The following TPTE variants were observed in gnomAD, a reference collection of about 807,000 sequenced individuals.
The protein encoded by TPTE is putative tyrosine-protein phosphatase TPTE.
Under a neutral mutation model 84.1 loss-of-function variants are expected in TPTE, and 59 were observed. The ratio of observed to expected loss-of-function variants is 0.70; its 90% CI spans 0.57 to 0.87. TPTE has a LOEUF of 0.87. Ranked by LOEUF, TPTE falls within the 40% of genes least tolerant of loss-of-function variation. TPTE has a pLI of 0.00. For missense variants in TPTE, 382 were observed against 659.6 expected (o/e 0.58, Z 4.61); for synonymous variants, 130 against 223.5 (o/e 0.58, Z 3.73).
intron 3 of TPTE, among the ~76,000 whole-genome samples, chr21:10,534,045 A>T (rs2074226339): frequency 6.6e-6 from 1 of 152,310 alleles, no homozygotes; most frequent in South Asian, 2.1e-4. Flanking sequence ...GCTGTAATTG[A>T]CTGAGACACA....
chr21:10,582,422 C>A (rs542954883), intron 17 of TPTE, among the ~76,000 whole-genome samples: 186 of 151,516 alleles, frequency 1.2e-3, no homozygotes, highest in African/African-American at 4.4e-3. Flanking sequence ...AATTGTCTTG[C>A]TCTTCTTGGA....
chr21:10,554,669 A>T (rs924519945), intron 8 of TPTE, among the ~76,000 whole-genome samples: 2 of 152,304 alleles, frequency 1.3e-5, no homozygotes, highest in African/African-American at 4.8e-5. Context: ...ATGTATCTGT[A>T]CTTTTCTTTG....
chr21:10,580,998 G>A (rs1328008663), intron 17 of TPTE, among the ~76,000 whole-genome samples: 3 of 152,306 alleles, frequency 2.0e-5, no homozygotes, highest in African/African-American at 7.2e-5. Context: ...TTTTTAGTGG[G>A]CTCTAAATCA....
chr21:10,558,686 T>G (rs2145668493), intron 8 of TPTE, among the ~76,000 whole-genome samples: 1 of 152,382 alleles, frequency 6.6e-6, no homozygotes, highest in East Asian at 1.9e-4. Flanking sequence ...GGGTGGAATT[T>G]GAGTCCTGTG....
chr21:10,599,964 C>T (rs556224147), intron 21 of TPTE, among the ~76,000 whole-genome samples: 56 of 152,314 alleles, frequency 3.7e-4, no homozygotes, highest in African/African-American at 1.3e-3. Context: ...CTCAAGCAAT[C>T]CCCCAATTTT....
intron 20 of TPTE, among the ~76,000 whole-genome samples, chr21:10,596,823 T>G (rs1327576357): frequency 2.0e-5 from 3 of 152,308 alleles, no homozygotes; most frequent in Non-Finnish European, 4.4e-5. Context: ...ATTTTTAGCC[T>G]TCTGAGTTTA....
chr21:10,540,643 C>T, intron 4 of TPTE: 7 of 519,080 alleles, frequency 1.3e-5, no homozygotes, highest in South Asian at 9.8e-5. Flanking sequence ...GGCTGACTGC[C>T]TTTGCCCATA....
rs2074047820 is a variant in TPTE, at chr21:10,524,670, G to A, written c.-120G>A. On this transcript the variant is annotated 5_prime_UTR_variant, in exon 2 of 24. Coordinates refer to ENST00000618007, the MANE Select transcript of TPTE (RefSeq NM_199261.4). ...GCTCTTCTGCCCGGCAGTGGCTCTG[G>A]AAGCAGTCTGGTGTATAGGTAAGCA... 6.5e-6 allele frequency: 1 copy of A among 152,910 alleles called. No homozygotes were observed. The highest frequency in any genetic ancestry group is 1.5e-5 in the Non-Finnish European group (1 of 68,566). 9.5% of individuals were successfully genotyped at this position (152,910 alleles called of 1,614,324 possible). A position where few individuals can be genotyped will look rare whatever the true frequency, so the allele number is the denominator to read the frequency against.
chr21:10,536,306 GATATACACATGA>G (rs1379587347), intron 3 of TPTE, among the ~76,000 whole-genome samples: 8 of 152,302 alleles, frequency 5.3e-5, no homozygotes, highest in Admixed American at 2.6e-4. Context: ...TCAAATTAGT[GATATACACATGA>G]ATATTTAAAT....
At chr21:10,526,640 G>GTATTA (rs1232300818) in intron 2 of TPTE, among the ~76,000 whole-genome samples, 2 of 152,302 alleles carry the variant, frequency 1.3e-5, no homozygotes, top group African/African-American at 4.8e-5. Context: ...TCTTGGGAGT[G>GTATTA]TATTACCTTG....
At chr21:10,596,585 C>G (rs1374487251) in intron 20 of TPTE, among the ~76,000 whole-genome samples, 14 of 152,420 alleles carry the variant, frequency 9.2e-5, no homozygotes, top group African/African-American at 3.4e-4. Flanking sequence ...CTGTAACCCT[C>G]TCACTCCCAG....
chr21:10,562,018 C>G (rs1600905267), intron 10 of TPTE, among the ~76,000 whole-genome samples: 1 of 152,420 alleles, frequency 6.6e-6, no homozygotes, highest in South Asian at 2.1e-4. Context: ...CAACCCCAAG[C>G]TTTAGGTGCC....
At chr21:10,547,590 C>G (rs1301931375) in intron 7 of TPTE, among the ~76,000 whole-genome samples, 1 of 152,310 alleles carries the variant, frequency 6.6e-6, no homozygotes. Context: ...GTGAAGACTT[C>G]CCACCCCCAG....
intron 17 of TPTE, among the ~76,000 whole-genome samples, chr21:10,588,426 C>T (rs1376350202): frequency 6.6e-6 from 1 of 152,308 alleles, no homozygotes; most frequent in Non-Finnish European, 1.5e-5. Context: ...TGGCCTTTTT[C>T]TCCAGTGCCT....
At chr21:10,545,759 A>G (rs1414045715) in intron 7 of TPTE, among the ~76,000 whole-genome samples, 3 of 151,776 alleles carry the variant, frequency 2.0e-5, no homozygotes, top group African/African-American at 4.8e-5. Context: ...GTATATAGAT[A>G]TAGATACACA....
intron 10 of TPTE, among the ~76,000 whole-genome samples, chr21:10,567,231 T>C (rs1486066633): frequency 3.0e-4 from 45 of 151,886 alleles, no homozygotes; most frequent in African/African-American, 1.0e-3. Context: ...TACAAAAAAA[T>C]AGAATGAGTA....
rs1262146303 is a variant in TPTE, at chr21:10,602,018, T to C, written c.1357-40T>C. 15 of 1,589,408 alleles carry C rather than the reference T, an allele frequency of 9.4e-6. No homozygotes were observed. The Middle Eastern group carries it at 1.5e-3, about 159-fold the overall frequency. On this transcript the variant is annotated intron_variant, in intron 21 of 23. Coordinates refer to ENST00000618007, the MANE Select transcript of TPTE (RefSeq NM_199261.4). ...AAAAGGAACTTCATTGTTATCATTA[T>C]CTAGGTTTATAGTTCTCAATTCCAT...
intron 14 of TPTE, among the ~76,000 whole-genome samples, chr21:10,575,684 T>G (rs1600935532): frequency 1.3e-5 from 2 of 152,308 alleles, no homozygotes; most frequent in South Asian, 4.1e-4. Flanking sequence ...CTTTGCTGTT[T>G]CTCAGCCTTC....
chr21:10,594,539 G>A (rs1283658516), intron 19 of TPTE, among the ~76,000 whole-genome samples: 65 of 152,272 alleles, frequency 4.3e-4, no homozygotes, highest in African/African-American at 1.4e-3. Context: ...AGAAGGAAGC[G>A]TGGGAGCACA....
Sources: gnomAD v4.1 joint callset for allele counts (sites outside exome capture counted in the v4.1 genomes callset) on GRCh38, gnomAD v4.1.1 for gene constraint, MANE v1.5 for transcripts, NCBI Gene and HGNC (gene_info 2026-07-23, HGNC 2026-07-21) for gene names.